CHLSN: variants seen among roughly 807,000 people sequenced by gnomAD.
CHLSN encodes cholesin.
At chr7:995,719 C>T in the CHLSN span, among the ~76,000 whole-genome samples, 1 of 152,274 alleles carries the variant, frequency 6.6e-6, no homozygotes, top group Admixed American at 6.5e-5. Context: ...AAGGTTCGTG[C>T]TGTGCAACGT....
chr7:1,070,904 GCACGCA>G, the CHLSN span, among the ~76,000 whole-genome samples: 1 of 136,670 alleles, frequency 7.3e-6, no homozygotes, highest in Non-Finnish European at 1.5e-5. Context: ...GCACACACAT[GCACGCA>G]CACACACAGC....
At chr7:1,129,574 C>T in the CHLSN span, among the ~76,000 whole-genome samples, 1 of 152,234 alleles carries the variant, frequency 6.6e-6, no homozygotes, top group African/African-American at 2.4e-5. Flanking sequence ...GCCTCCTGAG[C>T]AGCTGTAACC....
the CHLSN span, among the ~76,000 whole-genome samples, chr7:1,110,480 G>A: frequency 1.3e-5 from 2 of 152,230 alleles, no homozygotes; most frequent in African/African-American, 2.4e-5. Flanking sequence ...CGAAGGCACG[G>A]CCGCCTGGGC....
the CHLSN span, among the ~76,000 whole-genome samples, chr7:1,130,782 C>A: frequency 2.6e-4 from 40 of 152,322 alleles, no homozygotes; most frequent in Admixed American, 2.0e-3. Flanking sequence ...AACCAGCACA[C>A]GCGGCATGCA....
At chr7:1,040,561 T>C in the CHLSN span, among the ~76,000 whole-genome samples, 1 of 152,270 alleles carries the variant, frequency 6.6e-6, no homozygotes, top group East Asian at 1.9e-4. Context: ...ATAGATCATC[T>C]ATTTAAATGT....
the CHLSN span, among the ~76,000 whole-genome samples, chr7:1,040,316 C>A: frequency 6.7e-6 from 1 of 149,746 alleles, no homozygotes; most frequent in South Asian, 2.1e-4. Flanking sequence ...CACAGTGAGA[C>A]CCCCCATCTC....
At chr7:1,070,366 C>T in the CHLSN span, among the ~76,000 whole-genome samples, 1 of 131,270 alleles carries the variant, frequency 7.6e-6, no homozygotes, top group Non-Finnish European at 1.8e-5. Flanking sequence ...GGGGGGTCAG[C>T]CCCCCGCCCG....
At chr7:1,062,850 C>T in the CHLSN span, among the ~76,000 whole-genome samples, 4 of 152,186 alleles carry the variant, frequency 2.6e-5, no homozygotes, top group African/African-American at 9.7e-5. Flanking sequence ...GGAAGCATAA[C>T]GTGAACATGC....
chr7:1,054,245 G>A, the CHLSN span, among the ~76,000 whole-genome samples: 12 of 152,224 alleles, frequency 7.9e-5, no homozygotes, highest in African/African-American at 1.4e-4. Context: ...TCCAACCGGC[G>A]GAGAGTGAAG....
the CHLSN span, among the ~76,000 whole-genome samples, chr7:1,017,665 G>A: frequency 2.6e-5 from 4 of 152,236 alleles, no homozygotes; most frequent in African/African-American, 9.7e-5. Context: ...TTCCTGGAGG[G>A]GAGACTTCTC....
the CHLSN span, among the ~76,000 whole-genome samples, chr7:1,038,324 CG>C: frequency 6.1e-5 from 6 of 98,666 alleles, 1 homozygote; most frequent in East Asian, 1.9e-3. Context: ...GCCCCCCGCC[CG>C]GCCAGCCACC....
the CHLSN span, among the ~76,000 whole-genome samples, chr7:1,014,129 G>A: frequency 6.6e-6 from 1 of 152,248 alleles, no homozygotes; most frequent in East Asian, 1.9e-4. Context: ...TTACCATCAG[G>A]CAATGAAAAT....
the CHLSN span, among the ~76,000 whole-genome samples, chr7:1,085,994 C>A: frequency 6.6e-6 from 1 of 152,368 alleles, no homozygotes; most frequent in Admixed American, 6.5e-5. Flanking sequence ...CTGTACAGTA[C>A]AAGTTACTTA....
chr7:1,070,564 A>G, the CHLSN span, among the ~76,000 whole-genome samples: 62 of 148,768 alleles, frequency 4.2e-4, no homozygotes, highest in African/African-American at 1.3e-3. Flanking sequence ...ACACACGTGC[A>G]CACACGCAAA....
the CHLSN span, among the ~76,000 whole-genome samples, chr7:1,123,911 C>T: frequency 2.0e-5 from 3 of 151,986 alleles, no homozygotes; most frequent in African/African-American, 7.3e-5. This position sits in a 1 kb window ranked among gnomAD's most constrained non-coding sequence, Gnocchi z 4.4. Flanking sequence ...AGGCCCTCTT[C>T]CCGCTGCCAG....
At chr7:1,014,248 C>T in the CHLSN span, among the ~76,000 whole-genome samples, 1 of 152,214 alleles carries the variant, frequency 6.6e-6, no homozygotes. Context: ...AGAAGAGAGC[C>T]GTGAGATTCT....
the CHLSN span, among the ~76,000 whole-genome samples, chr7:995,138 A>G: frequency 6.6e-6 from 1 of 152,270 alleles, no homozygotes; most frequent in East Asian, 1.9e-4. Context: ...ACACAGCCCC[A>G]GCACATGTGG....
At chr7:1,092,551 G>A in the CHLSN span, 3 of 1,609,602 alleles carry the variant, frequency 1.9e-6, no homozygotes, top group Admixed American at 1.7e-5. Context: ...CTGGCTGCCG[G>A]AGAACGTCTT....
the CHLSN span, among the ~76,000 whole-genome samples, chr7:1,016,874 G>A: frequency 1.2e-3 from 77 of 61,762 alleles, no homozygotes; most frequent in African/African-American, 3.9e-3. Context: ...ACACAGCAGC[G>A]CACAGCAGCA....
Sources: allele counts gnomAD v4.1 joint callset (sites outside exome capture counted in the v4.1 genomes callset), GRCh38; gene constraint gnomAD v4.1.1; non-coding constraint Gnocchi (gnomAD v3.1); transcripts MANE v1.5; gene names NCBI Gene and HGNC (gene_info 2026-07-23, HGNC 2026-07-21).